The following ZFP28 variants were observed in gnomAD, a reference collection of about 807,000 sequenced individuals.
The protein encoded by ZFP28 is zinc finger protein 28 homolog.
In ZFP28, 31 loss-of-function variants were observed where a neutral mutation model predicts 39.5. The observed-to-expected ratio is 0.79, with a 90% confidence interval of 0.59 to 1.06. The LOEUF is 1.06. Ranked by LOEUF, ZFP28 falls within the 50% of genes least tolerant of loss-of-function variation. The pLI, the probability that ZFP28 is intolerant of heterozygous loss-of-function variation, is 0.00. For missense variants in ZFP28, 925 were observed against 1,048.4 expected, an observed-to-expected ratio of 0.88 and a Z score of 1.63; for synonymous variants, 400 against 378.6, an observed-to-expected ratio of 1.06 and a Z score of -0.66.
chr19:56,537,956 C>G (rs1568482103), upstream of ZFP28: 2 of 152,216 alleles, frequency 1.3e-5, no homozygotes, highest in African/African-American at 4.8e-5. Context: ...TAACTTCAGA[C>G]CGTGATTCAC....
intron 2 of ZFP28, among the ~76,000 whole-genome samples, chr19:56,541,552 C>T (rs1321674191): frequency 5.3e-5 from 8 of 152,092 alleles, no homozygotes; most frequent in Admixed American, 5.2e-4. Context: ...TGAATAAAAG[C>T]CAAAACTCTT....
At chr19:56,543,656 T>C (rs2044215729) in intron 2 of ZFP28, among the ~76,000 whole-genome samples, 2 of 152,174 alleles carry the variant, frequency 1.3e-5, no homozygotes, top group African/African-American at 4.8e-5. Flanking sequence ...CTCTGTGGTA[T>C]AGTGTAAAAA....
Position 56,547,448 on chromosome 19 carries a change from C to A in ZFP28, c.301-60C>A. On this transcript the variant is annotated intron_variant, in intron 2 of 7. Coordinates refer to ENST00000301318, the MANE Select transcript of ZFP28 (RefSeq NM_020828.2). This position sits in a 1 kb window ranked among gnomAD's most constrained non-coding sequence, Gnocchi z 4.6. ...GGGACACATTTCTTTCTATAACAAA[C>A]CCCCAGTCATGTGGGGGCATGAGCA... 1 of 1,611,778 alleles carries A rather than the reference C, an allele frequency of 6.2e-7. No individual in the cohort carries two copies. The highest frequency in any genetic ancestry group is 8.5e-7 in the Non-Finnish European group (1 of 1,178,912).
chr19:56,553,689 C>T lies in ZFP28; in HGVS notation c.904C>T (p.Arg302Ter), dbSNP rs773874997. 17 of 1,575,424 alleles carry T rather than the reference C, an allele frequency of 1.1e-5. No individual in the cohort carries two copies. Among genetic ancestry groups the T allele is most frequent in the Non-Finnish European group, 1.4e-5 (16 of 1,163,142 alleles). The change falls in exon 8 of 8, where the codon CGA (arginine) becomes TGA (stop). Residue 302 changes from arginine to a stop codon, truncating the protein, a stop_gained. Transcript: ENST00000301318. LOFTEE classifies it low-confidence loss of function (END_TRUNC). ...GTTTTCTTGGTATCTTTCAGGCCAG[C>T]GATCTGTACATGAGACCCAGGAATT... is the stretch of plus-strand genomic sequence containing the variant. ...ELTGSLFSGQ[R>*]SVHETQELFP...
In ZFP28 at chr19:56,554,256, C is replaced by T; in HGVS notation, c.1471C>T (p.Leu491Phe). Residue 491 changes from leucine to phenylalanine, a missense_variant, in exon 8 of 8, where the codon CTT (leucine) becomes TTT (phenylalanine). This residue lies in a region of ZFP28 where 369 missense variants were observed against 505.5 expected (regional missense o/e 0.73). Coordinates refer to ENST00000301318, the MANE Select transcript of ZFP28 (RefSeq NM_020828.2). The surrounding 1 kb of genome is among the most constrained non-coding windows in gnomAD (Gnocchi z 6.7). The stretch of plus-strand genomic sequence containing the variant: ...GAAAGCTTTCATACAGAACACATCC[C>T]TTATCCGTCACTGGAGATACTATCA... ...CGKAFIQNTS[L>F]IRHWRYYHTG... 1.9e-6 allele frequency: 3 copies of T among 1,614,196 alleles called. No individual in the cohort carries two copies. Among genetic ancestry groups the T allele is most frequent in the Non-Finnish European group, 2.5e-6 (3 of 1,180,034 alleles).
chr19:56,544,468 T>G (rs1225171103), intron 2 of ZFP28: 1 of 152,258 alleles, frequency 6.6e-6, no homozygotes, highest in Non-Finnish European at 1.5e-5. Flanking sequence ...AGTGGCAAAA[T>G]TGAAGAGTTG....
intron 2 of ZFP28, chr19:56,546,777 T>C (rs73055321): frequency 0.13 from 20,410 of 152,258 alleles, 1,682 homozygotes; most frequent in Middle Eastern, 0.19. Context: ...CATGTCCCCA[T>C]GTTGGACAGT....
At position 56,553,945 on chromosome 19, in the gene ZFP28, A is replaced by T. The variant is rs753779939; in HGVS notation, c.1160A>T (p.Asp387Val). The change falls in exon 8 of 8, where the codon GAT becomes GTT. Residue 387 changes from aspartate to valine, a missense_variant. By Grantham distance (152) the Asp-to-Val change is radical. Around this residue, in one of 2 missense-constraint regions of ZFP28, gnomAD observed 556 missense variants for 542.9 expected, o/e 1.02. Transcript: ENST00000301318. ...TCTGGAAGATGGTTCTATTTGGACG[A>T]TTCAGAAGAGAAAGTTCATAATCGT... is the stretch of plus-strand genomic sequence containing the variant. ...NKSGRWFYLDDSEEKVHNRDS... is the reference protein window; with the variant it reads ...NKSGRWFYLDVSEEKVHNRDS... 1 of 1,613,436 alleles carries T rather than the reference A, an allele frequency of 6.2e-7. No individual in the cohort carries two copies. The highest frequency in any genetic ancestry group is 1.1e-5 in the South Asian group (1 of 90,822).
intron 7 of ZFP28, chr19:56,551,504 A>G: frequency 5.1e-6 from 5 of 984,804 alleles, no homozygotes; most frequent in Non-Finnish European, 6.0e-6. Flanking sequence ...TACATTTCTT[A>G]GTATTAAAGA....
chr19:56,543,584 G>C (rs2044215027), intron 2 of ZFP28, among the ~76,000 whole-genome samples: 1 of 151,874 alleles, frequency 6.6e-6, no homozygotes, highest in Non-Finnish European at 1.5e-5. Flanking sequence ...TGTATATTAA[G>C]ATGAGTTAAC....
chr19:56,539,175 C>G lies in ZFP28; in HGVS notation c.157C>G (p.Leu53Val). 6.2e-7 allele frequency: 1 copy of G among 1,603,152 alleles called. No homozygotes were observed. Among genetic ancestry groups the G allele is most frequent in the Non-Finnish European group, 8.5e-7 (1 of 1,177,966 alleles). The change falls in exon 1 of 8, where the codon CTC (leucine) becomes GTC (valine). Residue 53 changes from leucine to valine, a missense_variant. By Grantham distance (32) the Leu-to-Val change is conservative. Transcript: ENST00000301318. ...ARGRPRSRNG[L>V]ASKGQRGAAP... Reference sequence around the variant, plus strand: ...GGGAAGGCCGCGCTCAAGGAATGGCCTCGCATCCAAAGGCCAGCGAGGAGC... The same window carrying G: ...GGGAAGGCCGCGCTCAAGGAATGGCGTCGCATCCAAAGGCCAGCGAGGAGC...
upstream of ZFP28, chr19:56,538,896 A>C: frequency 1.3e-6 from 1 of 768,318 alleles, no homozygotes; most frequent in African/African-American, 2.6e-5. Context: ...GGCGCGGCCC[A>C]GTGGATGCCG....
rs1385859050 is a variant in ZFP28 at position 56,554,340 on chromosome 19, G to C, written c.1555G>C (p.Gly519Arg). ...TGGGAAAGCCTTCAGTGACCACATA[G>C]GGCTTAATCAACACAGGAGAATTCA... ...DCGKAFSDHI[G>R]LNQHRRIHTG... Residue 519 changes from glycine to arginine, a missense_variant, in exon 8 of 8, where the codon GGG (glycine) becomes CGG (arginine). By Grantham distance (125) the Gly-to-Arg change is moderately radical. Coordinates refer to ENST00000301318, the MANE Select transcript of ZFP28 (RefSeq NM_020828.2). This position sits in a 1 kb window ranked among gnomAD's most constrained non-coding sequence, Gnocchi z 6.7. 2 of 1,613,900 alleles carry C rather than the reference G, an allele frequency of 1.2e-6. No homozygotes were observed. Among genetic ancestry groups the C allele is most frequent in the African/African-American group, 2.7e-5 (2 of 74,860 alleles).
chr19:56,548,052 A>C, intron 4 of ZFP28, 150 bp downstream of exon 4: 1 of 651,992 alleles, frequency 1.5e-6, no homozygotes, highest in Non-Finnish European at 2.5e-6. Context: ...AATTTCAACT[A>C]CAGTATTATT....
rs776435088 is a variant in ZFP28 at position 56,555,045 on chromosome 19, G to C, written c.2260G>C (p.Glu754Gln). 4 of 1,614,034 alleles carry C rather than the reference G, an allele frequency of 2.5e-6. No individual in the cohort carries two copies. The highest frequency in any genetic ancestry group is 1.7e-5 in the Admixed American group (1 of 60,014). ...LICHRRSHTG[E>Q]KPYECSVCGK... ...TTGTCATCGCAGAAGTCATACTGGA[G>C]AAAAACCTTATGAATGCAGTGTGTG... Residue 754 changes from glutamate (E) to glutamine (Q), a missense_variant, in exon 8 of 8, where the codon GAA becomes CAA. Transcript: ENST00000301318.
At chr19:56,544,154 C>A (rs948368583) in intron 2 of ZFP28, among the ~76,000 whole-genome samples, 1 of 152,226 alleles carries the variant, frequency 6.6e-6, no homozygotes, top group African/African-American at 2.4e-5. Flanking sequence ...CTCATGTCAT[C>A]ATGACGGTTT....
chr19:56,551,760 T>A, intron 7 of ZFP28: 2 of 984,656 alleles, frequency 2.0e-6, no homozygotes, highest in Non-Finnish European at 2.4e-6. Context: ...AGTTGAACAT[T>A]TTTTCGTAAA....
chr19:56,549,955 C>T (rs1290446915), intron 5 of ZFP28, 112 bp from the exon 6 acceptor site: 3 of 706,228 alleles, frequency 4.2e-6, no homozygotes, highest in African/African-American at 3.6e-5. Context: ...ACTTAAGTTG[C>T]AGTTCTTGGT....
In ZFP28 at chr19:56,554,042, T is replaced by A. The variant is rs1266560349; in HGVS notation, c.1257T>A (p.Leu419=). The A allele has an allele frequency of 6.2e-7, 1 of 1,614,030 alleles. No homozygotes were observed. Among genetic ancestry groups the A allele is most frequent in the Non-Finnish European group, 8.5e-7 (1 of 1,180,016 alleles). Residue 419 remains leucine (L), a synonymous_variant, in exon 8 of 8, where the codon CTT becomes CTA. Coordinates refer to ENST00000301318, the MANE Select transcript of ZFP28 (RefSeq NM_020828.2). This position sits in a 1 kb window ranked among gnomAD's most constrained non-coding sequence, Gnocchi z 6.7. ...CAGGCATCTATGCAGGAAAAAAGCT[T>A]TTCAAGTGTAATGAATGTAAGAAAA... The part of the protein sequence containing the change: ...KQTGIYAGKK[L]FKCNECKKTF...
Sources: gnomAD v4.1 joint callset for allele counts (sites outside exome capture counted in the v4.1 genomes callset) on GRCh38, gnomAD v4.1.1 for gene constraint, gnomAD v4.1.1 regional missense constraint, Gnocchi (gnomAD v3.1) non-coding constraint, MANE v1.5 for transcripts, NCBI Gene and HGNC (gene_info 2026-07-23, HGNC 2026-07-21) for gene names.